Variants in SGCZ observed in about 807,000 individuals in gnomAD.
The protein encoded by SGCZ is zeta-sarcoglycan.
SGCZ carries 40 observed loss-of-function variants against 41.3 expected under a neutral mutation model. The ratio of observed to expected loss-of-function variants is 0.97; its 90% confidence interval spans 0.75 to 1.26. The LOEUF (loss-of-function observed/expected upper bound fraction) is 1.26, where lower values mean the gene tolerates loss of function less well. Among genes scored for constraint, SGCZ ranks in the 50% most tolerant of loss-of-function variants. The pLI, the probability that SGCZ is intolerant of heterozygous loss-of-function variation, is 0.00. For synonymous variants in SGCZ, 206 were observed against 137.5 expected, an observed-to-expected ratio of 1.50 and a Z score of -3.49; for missense variants, 552 against 369.8, an observed-to-expected ratio of 1.49 and a Z score of -4.04.
chr8:14,293,973 A>G (rs1991346), intron 3 of SGCZ, among the ~76,000 whole-genome samples: 68,406 of 151,530 alleles, frequency 0.45, 15,654 homozygotes, highest in South Asian at 0.55. Context: ...AACTGGATCA[A>G]CAATCTATAG....
In SGCZ at chr8:14,799,690, A is replaced by AT. The variant is rs369207193; in HGVS notation, c.40-244765dup. ...AGCGGCAAGGGCAAAATAAAAAAAA[A>AT]TTTTTTTTTTTAAATTTAAAAAGCG... On this transcript the variant is annotated intron_variant, in intron 1 of 7. Coordinates refer to ENST00000382080, the MANE Select transcript of SGCZ (RefSeq NM_139167.4). 2.9e-3 allele frequency among the ~76,000 whole-genome samples: 439 copies of AT among 150,992 alleles called. 2 individuals are homozygous for AT. Among genetic ancestry groups the AT allele is most frequent in the African/African-American group, 9.9e-3 (409 of 41,172 alleles).
At position 15,059,639 on chromosome 8, in the gene SGCZ, G is replaced by A. The variant is rs115307799; in HGVS notation, c.39+177946C>T. Among the ~76,000 whole-genome samples the A allele has an allele frequency of 9.1e-3, 1,376 of 151,828 alleles. 31 individuals carry two copies. Among genetic ancestry groups the A allele is most frequent in the African/African-American group, 0.031 (1,288 of 41,554 alleles). On this transcript the variant is annotated intron_variant, in intron 1 of 7. Transcript: ENST00000382080. ...TTAGGTTTCAAATATTTGAAATACTGTCTTCCTAAATTAATGATACTTAAC... is the reference window on the plus strand; with the variant it reads ...TTAGGTTTCAAATATTTGAAATACTATCTTCCTAAATTAATGATACTTAAC...
At chr8:14,868,323 C>T (rs985346467) in intron 1 of SGCZ, among the ~76,000 whole-genome samples, 13 of 152,120 alleles carry the variant, frequency 8.5e-5, no homozygotes, top group African/African-American at 3.1e-4. Flanking sequence ...GCATGTAGCC[C>T]AACCATTCTA....
intron 1 of SGCZ, among the ~76,000 whole-genome samples, chr8:15,220,606 G>A (rs555800489): frequency 2.6e-5 from 4 of 152,182 alleles, no homozygotes; most frequent in African/African-American, 7.2e-5. Flanking sequence ...ACAGTGTGTC[G>A]ATTCCTCAAG....
At chr8:14,090,714 G>A in intron 7 of SGCZ, 77 bp from the exon 8 acceptor site, 2 of 1,252,632 alleles carry the variant, frequency 1.6e-6, no homozygotes, top group Non-Finnish European at 1.1e-6. Context: ...TCCTCAACAT[G>A]GTCTAATAAG....
At chr8:14,658,104 G>T (rs1267516183) in intron 1 of SGCZ, among the ~76,000 whole-genome samples, 2 of 152,124 alleles carry the variant, frequency 1.3e-5, no homozygotes, top group Non-Finnish European at 2.9e-5. Flanking sequence ...CGTGCAAAAG[G>T]AGCCACTCAG....
chr8:14,264,725 T>G (rs1419724191), intron 3 of SGCZ, among the ~76,000 whole-genome samples: 1 of 151,882 alleles, frequency 6.6e-6, no homozygotes. Context: ...ACTTTGGGAG[T>G]CCGAGGCGGG....
intron 1 of SGCZ, among the ~76,000 whole-genome samples, chr8:14,944,799 T>A (rs1028270752): frequency 2.0e-5 from 3 of 152,150 alleles, no homozygotes; most frequent in Non-Finnish European, 4.4e-5. Context: ...CCATTTTAAG[T>A]CAAGGAGTGT....
chr8:15,209,119 T>C (rs560888817), intron 1 of SGCZ, among the ~76,000 whole-genome samples: 5 of 152,094 alleles, frequency 3.3e-5, no homozygotes, highest in African/African-American at 1.2e-4. Flanking sequence ...AGTTTTTCCA[T>C]CTGAAAATGG....
intron 1 of SGCZ, among the ~76,000 whole-genome samples, chr8:14,976,586 A>AC: frequency 6.6e-6 from 1 of 152,114 alleles, no homozygotes; most frequent in Non-Finnish European, 1.5e-5. Flanking sequence ...GAAGTTTCTG[A>AC]CAACAACACA....
chr8:14,309,330 A>T (rs1801450307), intron 3 of SGCZ: 2 of 1,600,304 alleles, frequency 1.2e-6, no homozygotes, highest in Non-Finnish European at 1.7e-6. Flanking sequence ...ATGTGGGAAG[A>T]TGAGAAAAAC....
At position 14,732,387 on chromosome 8, in the gene SGCZ, C is replaced by T. The variant is rs78895520; in HGVS notation, c.40-177461G>A. ...CTTTCGTTTCCACTCATTCTTCTCT[C>T]GGCACAGAAGCTAAGAAAGAAAATA... On this transcript the variant is annotated intron_variant, in intron 1 of 7. Transcript: ENST00000382080. 7.9e-5 allele frequency among the ~76,000 whole-genome samples: 12 copies of T among 152,272 alleles called. No individual in the cohort carries two copies. In the East Asian group the frequency reaches 1.5e-3, roughly 20 times the overall value.
At chr8:14,653,546 T>A (rs889190295) in intron 1 of SGCZ, among the ~76,000 whole-genome samples, 4 of 152,138 alleles carry the variant, frequency 2.6e-5, no homozygotes, top group African/African-American at 7.2e-5. Context: ...CAAAAATCTT[T>A]TAATCCCTGG....
intron 1 of SGCZ, among the ~76,000 whole-genome samples, chr8:14,832,162 C>T (rs1035289361): frequency 1.3e-5 from 2 of 152,122 alleles, no homozygotes; most frequent in African/African-American, 4.8e-5. Flanking sequence ...AAGGCATTTG[C>T]AGACATCGTG....
At chr8:14,193,097 T>C (rs960145397) in intron 4 of SGCZ, among the ~76,000 whole-genome samples, 2 of 151,866 alleles carry the variant, frequency 1.3e-5, no homozygotes, top group Non-Finnish European at 3.0e-5. Context: ...AAAATCTTTT[T>C]TCTATATTAT....
At chr8:14,547,273 A>C (rs1273704761) in intron 2 of SGCZ, among the ~76,000 whole-genome samples, 1 of 152,148 alleles carries the variant, frequency 6.6e-6, no homozygotes, top group Non-Finnish European at 1.5e-5. Flanking sequence ...GTTTCAAAAG[A>C]AGATTAGCTC....
intron 2 of SGCZ, among the ~76,000 whole-genome samples, chr8:14,358,351 G>A (rs1293351943): frequency 2.6e-5 from 4 of 152,162 alleles, no homozygotes; most frequent in Non-Finnish European, 4.4e-5. Flanking sequence ...AGTGGCAAAT[G>A]TAAGGATACA....
chr8:14,302,947 T>C (rs1349791756), intron 3 of SGCZ, among the ~76,000 whole-genome samples: 1 of 152,148 alleles, frequency 6.6e-6, no homozygotes, highest in African/African-American at 2.4e-5. Flanking sequence ...AAACTTTCTT[T>C]CCAGTCTCAG....
intron 4 of SGCZ, among the ~76,000 whole-genome samples, chr8:14,194,143 A>C (rs1306861341): frequency 1.3e-5 from 2 of 151,868 alleles, no homozygotes; most frequent in African/African-American, 4.8e-5. Flanking sequence ...TTTATAAATA[A>C]TTTTTGTTTG....
Sources: allele counts gnomAD v4.1 joint callset (sites outside exome capture counted in the v4.1 genomes callset), GRCh38; gene constraint gnomAD v4.1.1; transcripts MANE v1.5; gene names NCBI Gene and HGNC (gene_info 2026-07-23, HGNC 2026-07-21).